AKAP3: variants seen among roughly 807,000 people sequenced by gnomAD.
The protein encoded by AKAP3 is A-kinase anchoring protein 3.
AKAP3 carries 27 observed loss-of-function variants against 57.2 expected under a neutral mutation model. That is an observed-to-expected ratio of 0.47 (90% CI 0.35 to 0.65). AKAP3 has a LOEUF of 0.65. Ranked by LOEUF, AKAP3 falls within the 30% of genes least tolerant of loss-of-function variation. The pLI, the probability that AKAP3 is intolerant of heterozygous loss-of-function variation, is 0.01. For synonymous variants in AKAP3, 334 were observed against 392.3 expected, an observed-to-expected ratio of 0.85 and a Z score of 1.76; for missense variants, 959 against 1,040.0, an observed-to-expected ratio of 0.92 and a Z score of 1.07.
intron 3 of AKAP3, among the ~76,000 whole-genome samples, chr12:4,641,062 CTTTTTTTTTTTTT>C (rs374817430): frequency 2.9e-5 from 2 of 68,696 alleles, no homozygotes; most frequent in Non-Finnish European, 5.0e-5. Context: ...TTCTAACTTC[CTTTTTTTTTTTTT>C]TTTTTTTTTT....
At chr12:4,642,864 T>C (rs1387016423) in intron 2 of AKAP3, among the ~76,000 whole-genome samples, 1 of 152,226 alleles carries the variant, frequency 6.6e-6, no homozygotes, top group Non-Finnish European at 1.5e-5. Flanking sequence ...ATGCACCACC[T>C]GCCCATTTTC....
intron 5 of AKAP3, among the ~76,000 whole-genome samples, chr12:4,621,977 T>C (rs941720123): frequency 1.3e-5 from 2 of 152,066 alleles, no homozygotes; most frequent in Admixed American, 1.3e-4. Flanking sequence ...TTCCTTGTAA[T>C]ATATAAAACT....
chr12:4,644,199 GCTT>G (rs756630735), intron 2 of AKAP3, among the ~76,000 whole-genome samples: 1 of 152,118 alleles, frequency 6.6e-6, no homozygotes, highest in African/African-American at 2.4e-5. Flanking sequence ...CTAAGTAAGA[GCTT>G]CTTCTTCTAG....
chr12:4,635,536 A>G, intron 4 of AKAP3: 7 of 703,752 alleles, frequency 9.9e-6, no homozygotes, highest in South Asian at 9.0e-5. Flanking sequence ...TGTCATCTGC[A>G]TAGGACTGTG....
In AKAP3 at chr12:4,624,809, G is replaced by GGTGTGTGTGTGTGTGTGTGT. The variant is rs1555126704; in HGVS notation, c.2406+1686_2406+1687insACACACACACACACACACAC. 1.3e-3 allele frequency among the ~76,000 whole-genome samples: 115 copies of GGTGTGTGTGTGTGTGTGTGT among 87,864 alleles called. 1 individual carries two copies. The highest frequency in any genetic ancestry group is 2.0e-3 in the East Asian group (7 of 3,572). The allele number at this position is 87,864 out of a possible 152,430, so 57.6% of individuals were successfully genotyped here. A position where few individuals can be genotyped will look rare whatever the true frequency, so the allele number is the denominator to read the frequency against. ...TGGCTTTATCTTTAGAGTAGACAAA[G>GGTGTGTGTGTGTGTGTGTGT]GTGTGTGTGTGTGTGTATATAAAAG... is the stretch of plus-strand genomic sequence containing the variant. On this transcript the variant is annotated intron_variant, in intron 5 of 5. Transcript: ENST00000228850.
chr12:4,631,324 C>T, intron 4 of AKAP3: 1 of 701,750 alleles, frequency 1.4e-6, no homozygotes, highest in Non-Finnish European at 2.6e-6. Context: ...ATCTTAAGCT[C>T]ACCAACTAAG....
At chr12:4,633,421 T>C (rs959605058) in intron 4 of AKAP3, among the ~76,000 whole-genome samples, 1 of 152,158 alleles carries the variant, frequency 6.6e-6, no homozygotes, top group Non-Finnish European at 1.5e-5. Flanking sequence ...CTAAAACGTG[T>C]GTGCCTTATG....
rs1945431081 is a variant in AKAP3 at position 4,627,307 on chromosome 12, A to C, written c.1595T>G (p.Leu532Arg). The C allele has an allele frequency of 6.2e-7, 1 of 1,614,030 alleles. No individual in the cohort carries two copies. The highest frequency in any genetic ancestry group is 8.5e-7 in the Non-Finnish European group (1 of 1,179,998). ...GGCCAGGTGATATTGAATCAGAAGC[A>C]GGGCAGACACGATCAGGTCCTCGGC... ...SWAEDLIVSALLLIQYHLAQG... is the reference protein window; with the variant it reads ...SWAEDLIVSARLLIQYHLAQG... Residue 532 changes from leucine (L) to arginine (R), a missense_variant, in exon 5 of 6, where the codon CTG (leucine) becomes CGG (arginine). Transcript: ENST00000228850.
chr12:4,633,238 A>G (rs1438913360), intron 4 of AKAP3, among the ~76,000 whole-genome samples: 1 of 151,986 alleles, frequency 6.6e-6, no homozygotes, highest in Non-Finnish European at 1.5e-5. Context: ...AGCCTGGGCA[A>G]CATGGCGAAA....
At chr12:4,621,644 A>G (rs964203319) in intron 5 of AKAP3, among the ~76,000 whole-genome samples, 1 of 152,194 alleles carries the variant, frequency 6.6e-6, no homozygotes, top group African/African-American at 2.4e-5. Context: ...GTAGTAGGCT[A>G]TACCAGCTAG....
chr12:4,627,020 A>C lies in AKAP3; in HGVS notation c.1882T>G (p.Leu628Val), dbSNP rs373974507. The change falls in exon 5 of 6, where the codon TTG becomes GTG. Residue 628 changes from leucine to valine, a missense_variant. Transcript: ENST00000228850. ...PEQPVKEDRK[L>V]CERPLASSPP... ...GAAGACGCCAACGGTCTTTCACACA[A>C]CTTCCTATCTTCCTTAACTGGCTGT... is the stretch of plus-strand genomic sequence containing the variant. 1 of 1,613,920 alleles carries C rather than the reference A, an allele frequency of 6.2e-7. No homozygotes were observed. Among genetic ancestry groups the C allele is most frequent in the African/African-American group, 1.3e-5 (1 of 74,896 alleles).
At position 4,628,690 on chromosome 12, in the gene AKAP3, G is replaced by A. The variant is rs1400045756; in HGVS notation, c.212C>T (p.Thr71Met). The change falls in exon 5 of 6, where the codon ACG (threonine) becomes ATG (methionine). Residue 71 changes from threonine to methionine, a missense_variant. Physicochemically the swap from Thr to Met is moderately conservative, Grantham distance 81 (BLOSUM62 -1). Transcript: ENST00000228850. ...FKPGESFGGETSNSGDPHKGF... is the reference protein window; with the variant it reads ...FKPGESFGGEMSNSGDPHKGF... Reference sequence around the variant, plus strand: ...TTTGTGTGGGTCTCCTGAGTTGGACGTTTCCCCACCAAATGATTCTCCGGG... The same window carrying A: ...TTTGTGTGGGTCTCCTGAGTTGGACATTTCCCCACCAAATGATTCTCCGGG... 15 of 1,614,032 alleles carry A rather than the reference G, an allele frequency of 9.3e-6. No homozygotes were observed. Among genetic ancestry groups the A allele is most frequent in the African/African-American group, 4.0e-5 (3 of 74,926 alleles).
At chr12:4,620,003 G>C (rs1193993680) in intron 5 of AKAP3, among the ~76,000 whole-genome samples, 1 of 152,202 alleles carries the variant, frequency 6.6e-6, no homozygotes, top group Non-Finnish European at 1.5e-5. Context: ...CCCATGGATA[G>C]GGGATGAAAA....
At chr12:4,644,096 A>G (rs1945669502) in intron 2 of AKAP3, among the ~76,000 whole-genome samples, 1 of 152,162 alleles carries the variant, frequency 6.6e-6, no homozygotes, top group Non-Finnish European at 1.5e-5. Flanking sequence ...ATTTCAATCG[A>G]TTTTCTTTAA....
chr12:4,635,564 G>A, intron 4 of AKAP3: 1 of 708,068 alleles, frequency 1.4e-6, no homozygotes, highest in Non-Finnish European at 2.6e-6. Flanking sequence ...GAAATCTACT[G>A]CTCTTTTATT....
intron 5 of AKAP3, among the ~76,000 whole-genome samples, chr12:4,626,167 G>C (rs866329919): frequency 1.1e-4 from 17 of 152,034 alleles, no homozygotes; most frequent in Non-Finnish European, 7.4e-5. Context: ...GAGCAATGCT[G>C]TCCTATCCAA....
intron 3 of AKAP3, among the ~76,000 whole-genome samples, chr12:4,641,363 C>T (rs1156378323): frequency 6.6e-6 from 1 of 152,036 alleles, no homozygotes; most frequent in Non-Finnish European, 1.5e-5. Context: ...CTACACCAGG[C>T]GCTCCACATC....
chr12:4,647,769 A>G (rs1169457462), intron 1 of AKAP3: 1 of 152,220 alleles, frequency 6.6e-6, no homozygotes, highest in Non-Finnish European at 1.5e-5. Flanking sequence ...ATGACAGTGT[A>G]GCGTTACTAC....
intron 5 of AKAP3, among the ~76,000 whole-genome samples, chr12:4,618,476 T>C (rs1263507519): frequency 6.6e-6 from 1 of 152,218 alleles, no homozygotes; most frequent in Non-Finnish European, 1.5e-5. Flanking sequence ...AAGTAGATCA[T>C]AGACCTAAAC....
Sources: gnomAD v4.1 joint callset for allele counts (sites outside exome capture counted in the v4.1 genomes callset) on GRCh38, gnomAD v4.1.1 for gene constraint, MANE v1.5 for transcripts, NCBI Gene and HGNC (gene_info 2026-07-23, HGNC 2026-07-21) for gene names.